Variants in KIRREL3 observed in about 807,000 individuals in gnomAD.
The protein encoded by KIRREL3 is kin of IRRE-like protein 3.
Under a neutral mutation model 89.7 loss-of-function variants are expected in KIRREL3, and 36 were observed. That is an observed-to-expected ratio of 0.40 (90% CI 0.31 to 0.53). The LOEUF is 0.53. KIRREL3 is among the 20% of genes least tolerant of loss of function. KIRREL3 has a pLI of 0.49. For missense variants in KIRREL3, 864 were observed against 1,056.6 expected, an observed-to-expected ratio of 0.82 and a Z score of 2.53; for synonymous variants, 445 against 441.4, an observed-to-expected ratio of 1.01 and a Z score of -0.10.
chr11:126,813,412 C>T (rs766023856), intron 1 of KIRREL3, among the ~76,000 whole-genome samples: 1 of 152,218 alleles, frequency 6.6e-6, no homozygotes, highest in Non-Finnish European at 1.5e-5. Context: ...TAGTCCCTCA[C>T]TAAGCTCCTT....
intron 4 of KIRREL3, among the ~76,000 whole-genome samples, chr11:126,478,854 G>A (rs1398370147): frequency 2.6e-5 from 4 of 152,086 alleles, no homozygotes; most frequent in Non-Finnish European, 5.9e-5. Context: ...GAGGGAGGAG[G>A]GCAAAGCAGG....
At chr11:126,713,879 G>C (rs908092504) in intron 1 of KIRREL3, among the ~76,000 whole-genome samples, 3 of 152,120 alleles carry the variant, frequency 2.0e-5, no homozygotes, top group African/African-American at 7.2e-5. Flanking sequence ...TGGGTTGCAG[G>C]GGGAGCACAG....
At chr11:126,737,523 G>A (rs1024399126) in intron 1 of KIRREL3, among the ~76,000 whole-genome samples, 1 of 152,200 alleles carries the variant, frequency 6.6e-6, no homozygotes, top group African/African-American at 2.4e-5. Context: ...AAGGATCTGG[G>A]CAAATCTGCA....
intron 1 of KIRREL3, among the ~76,000 whole-genome samples, chr11:126,923,872 G>C (rs1278007425): frequency 6.6e-6 from 1 of 152,142 alleles, no homozygotes; most frequent in South Asian, 2.1e-4. Flanking sequence ...TCTACTTAGA[G>C]GCTTCATAAG....
chr11:126,426,946 G>A (rs1954963050), intron 15 of KIRREL3, among the ~76,000 whole-genome samples: 1 of 152,126 alleles, frequency 6.6e-6, no homozygotes, highest in African/African-American at 2.4e-5. Flanking sequence ...GCTGTCTTGG[G>A]GCCAGGAGGT....
intron 1 of KIRREL3, among the ~76,000 whole-genome samples, chr11:126,831,435 T>TCTC (rs1943604007): frequency 6.7e-6 from 1 of 150,026 alleles, no homozygotes; most frequent in African/African-American, 2.5e-5. Context: ...CTCTCTCTCT[T>TCTC]TCTCTCTCTC....
At chr11:126,718,754 A>G (rs1003350637) in intron 1 of KIRREL3, among the ~76,000 whole-genome samples, 3 of 152,208 alleles carry the variant, frequency 2.0e-5, no homozygotes, top group Non-Finnish European at 4.4e-5. Flanking sequence ...TGATTTGCCA[A>G]GTTCACCAGG....
intron 1 of KIRREL3, among the ~76,000 whole-genome samples, chr11:126,662,034 G>C (rs1275041958): frequency 6.6e-6 from 1 of 152,142 alleles, no homozygotes; most frequent in Non-Finnish European, 1.5e-5. Context: ...AAAGGAGAGA[G>C]CCAAAACGCC....
chr11:126,440,075 C>A (rs1449770910), intron 11 of KIRREL3: 5 of 418,136 alleles, frequency 1.2e-5, no homozygotes, highest in Admixed American at 9.0e-5. Flanking sequence ...AAGGGGTTGC[C>A]AACTATTACC....
intron 6 of KIRREL3, among the ~76,000 whole-genome samples, chr11:126,458,692 C>G (rs1469842531): frequency 1.3e-5 from 2 of 152,230 alleles, no homozygotes; most frequent in African/African-American, 4.8e-5. Context: ...CGGGGGACCA[C>G]AAATCCAGGA....
At chr11:126,451,132 CATGTGTGTGCATGTGT>C (rs1956108748) in intron 7 of KIRREL3, among the ~76,000 whole-genome samples, 1 of 111,986 alleles carries the variant, frequency 8.9e-6, no homozygotes, top group Admixed American at 9.3e-5. Flanking sequence ...TGTGCATGTG[CATGTGTGTGCATGTGT>C]AAATGTGGGC....
intron 1 of KIRREL3, among the ~76,000 whole-genome samples, chr11:126,961,295 A>T (rs1949078782): frequency 6.6e-6 from 1 of 152,246 alleles, no homozygotes; most frequent in Non-Finnish European, 1.5e-5. Context: ...TCTTGTGCCG[A>T]ATAGTCAGCC....
chr11:126,507,451 C>T (rs1370650864), intron 4 of KIRREL3, among the ~76,000 whole-genome samples: 1 of 152,180 alleles, frequency 6.6e-6, no homozygotes, highest in Non-Finnish European at 1.5e-5. Context: ...CTAGGAAACC[C>T]AACCCCTCAC....
intron 6 of KIRREL3, among the ~76,000 whole-genome samples, chr11:126,458,527 TC>T (rs1956447198): frequency 6.6e-6 from 1 of 152,168 alleles, no homozygotes; most frequent in East Asian, 1.9e-4. Context: ...GGACCCTGCC[TC>T]CCTGCCTAGT....
chr11:126,593,993 G>A (rs181576719), intron 1 of KIRREL3, among the ~76,000 whole-genome samples: 2 of 152,278 alleles, frequency 1.3e-5, no homozygotes. Flanking sequence ...CACAAAGAGA[G>A]AACAAAGAGA....
In KIRREL3 at chr11:126,592,043, A is replaced by G. The variant is rs528454502; in HGVS notation, c.56-29131T>C. ...CTTGCCTTTGGACTCTCCAGAGAGG[A>G]GTCCCTGGGACAGCTGAGGCCTTGC... On this transcript the variant is annotated intron_variant, in intron 1 of 16. Coordinates refer to ENST00000525144, the MANE Select transcript of KIRREL3 (RefSeq NM_032531.4). Among the ~76,000 whole-genome samples, 38 of 152,238 alleles carry G rather than the reference A, an allele frequency of 2.5e-4. 2 individuals carry two copies. The South Asian group carries it at 7.0e-3, about 28-fold the overall frequency.
Position 126,455,761 on chromosome 11 carries a change from C to T in KIRREL3, c.848+588G>A, listed in dbSNP as rs1381179917. Among the ~76,000 whole-genome samples the T allele has an allele frequency of 6.6e-6, 1 of 152,184 alleles. No individual in the cohort carries two copies. Among genetic ancestry groups the T allele is most frequent in the African/African-American group, 2.4e-5 (1 of 41,434 alleles). On this transcript the variant is annotated intron_variant, in intron 7 of 16. Transcript: ENST00000525144. The surrounding 1 kb of genome is among the most constrained non-coding windows in gnomAD (Gnocchi z 6.4). Reference sequence around the variant, plus strand: ...CCAGTGAGCTGAGATCACGCCACTGCACTCCAGCCTGGGTGACAGAGCGAG... The same window carrying T: ...CCAGTGAGCTGAGATCACGCCACTGTACTCCAGCCTGGGTGACAGAGCGAG...
chr11:126,648,081 C>T (rs188903231), intron 1 of KIRREL3, among the ~76,000 whole-genome samples: 8 of 152,164 alleles, frequency 5.3e-5, no homozygotes, highest in African/African-American at 1.4e-4. Flanking sequence ...TGAGTTCTCA[C>T]GAGATTTGGT....
At chr11:126,781,728 C>G (rs149825689) in intron 1 of KIRREL3, among the ~76,000 whole-genome samples, 1 of 152,118 alleles carries the variant, frequency 6.6e-6, no homozygotes, top group African/African-American at 2.4e-5. Context: ...GCAAGGACAC[C>G]AAAGGGCTCT....
Sources: allele counts gnomAD v4.1 joint callset (sites outside exome capture counted in the v4.1 genomes callset), GRCh38; gene constraint gnomAD v4.1.1; non-coding constraint Gnocchi (gnomAD v3.1); transcripts MANE v1.5; gene names NCBI Gene and HGNC (gene_info 2026-07-23, HGNC 2026-07-21).